Variants in PCDH19 observed in about 807,000 individuals in gnomAD.
PCDH19 encodes protocadherin 19, also known as protocadherin-19.
In PCDH19, 6 loss-of-function variants were observed where a neutral mutation model predicts 46.2. The observed-to-expected ratio is 0.13, with a 90% CI of 0.07 to 0.26. The LOEUF is 0.26. Ranked by LOEUF, PCDH19 falls within the 10% of genes least tolerant of loss-of-function variation. PCDH19 has a pLI of 1.00. For missense variants in PCDH19, 740 were observed against 972.3 expected (o/e 0.76, Z 3.18); for synonymous variants, 481 against 415.7 (o/e 1.16, Z -1.91).
chrX:100,340,188 A>G lies in PCDH19; in HGVS notation c.2848+1715T>C, dbSNP rs189387134. Among the ~76,000 whole-genome samples, 39 of 112,038 alleles carry G rather than the reference A, an allele frequency of 3.5e-4. No homozygotes were observed. In the East Asian group the frequency reaches 9.5e-3, roughly 27 times the overall value. On this transcript the variant is annotated intron_variant, in intron 5 of 5. Coordinates refer to ENST00000373034, the MANE Select transcript of PCDH19 (RefSeq NM_001184880.2). ...ATACTCGTCTTATTATCCAATCTAC[A>G]CAGTACACATATATAGATATATACA...
intron 3 of PCDH19, among the ~76,000 whole-genome samples, chrX:100,398,619 A>T (rs1928090007): frequency 8.9e-6 from 1 of 112,193 alleles, no homozygotes; most frequent in Non-Finnish European, 1.9e-5. Context: ...TAGCTCCCCA[A>T]CTAGACTGTG....
chrX:100,361,684 C>T (rs922292069), intron 3 of PCDH19, among the ~76,000 whole-genome samples: 1 of 111,732 alleles, frequency 8.9e-6, no homozygotes, highest in Non-Finnish European at 1.9e-5. Flanking sequence ...ACCCTGTTAA[C>T]GGCATTACAG....
chrX:100,350,552 C>T, intron 4 of PCDH19, 94 bp downstream of exon 4: 1 of 605,745 alleles, frequency 1.7e-6, no homozygotes. Context: ...TTTTAAAATC[C>T]CCCAAAAAAA....
chrX:100,350,780 G>A, intron 3 of PCDH19, 76 bp from the exon 4 acceptor site: 3 of 671,691 alleles, frequency 4.5e-6, no homozygotes, highest in Admixed American at 2.5e-5. Flanking sequence ...TACTTAGAAG[G>A]AATTTTTCTT....
In PCDH19 at chrX:100,374,805, G is replaced by A. The variant is rs932797635; in HGVS notation, c.2617-24101C>T. Reference sequence around the variant, plus strand: ...ATACAAAAAAATAGCCGGGCATGGTGGTGGGCGCCTGTAGTCCCAGCTACC... The same window carrying A: ...ATACAAAAAAATAGCCGGGCATGGTAGTGGGCGCCTGTAGTCCCAGCTACC... On this transcript the variant is annotated intron_variant, in intron 3 of 5. Transcript: ENST00000373034. 2.7e-5 allele frequency among the ~76,000 whole-genome samples: 3 copies of A among 111,115 alleles called. No homozygotes were observed. The East Asian group carries it at 8.5e-4, about 32-fold the overall frequency.
At chrX:100,339,765 T>A (rs1162071828) in intron 5 of PCDH19, among the ~76,000 whole-genome samples, 1 of 111,689 alleles carries the variant, frequency 9.0e-6, no homozygotes, top group Non-Finnish European at 1.9e-5. Context: ...CTTTAGGCAA[T>A]CACACAAGTT....
Position 100,342,014 on chromosome X carries a change from C to T in PCDH19, c.2737G>A (p.Asp913Asn). The change falls in exon 5 of 6, where the codon GAC becomes AAC. Residue 913 changes from aspartate to asparagine, a missense_variant. Asp to Asn is a conservative substitution (Grantham distance 23, BLOSUM62 1). Transcript: ENST00000373034. ...ACATCATGCTCACTGTCAGTTTGGT[C>T]ACTCTCCTCATGTCCACTATCCTTC... ...SLKDSGHEES[D>N]QTDSEHDVQR... is the part of the protein sequence containing the mutation. The T allele has an allele frequency of 8.3e-7, 1 of 1,209,341 alleles. No homozygotes were observed. Among genetic ancestry groups the T allele is most frequent in the South Asian group, 1.8e-5 (1 of 56,936 alleles).
chrX:100,334,825 T>A (rs932573630), intron 5 of PCDH19, among the ~76,000 whole-genome samples: 2 of 91,027 alleles, frequency 2.2e-5, no homozygotes, highest in Admixed American at 1.4e-4. Flanking sequence ...CATATAGATA[T>A]ACACATATAT....
At position 100,296,483 on chromosome X, in the gene PCDH19, C is replaced by G. The variant is rs774791898; in HGVS notation, c.3241G>C (p.Val1081Leu). The G allele has an allele frequency of 2.5e-6, 3 of 1,211,280 alleles. No homozygotes were observed. The Admixed American group carries it at 6.5e-5, about 26-fold the overall frequency. The change falls in exon 6 of 6, where the codon GTG (valine) becomes CTG (leucine). Residue 1081 changes from valine to leucine, a missense_variant. Val to Leu is a conservative substitution (Grantham distance 32). Around this residue, in one of 5 missense-constraint regions of PCDH19, gnomAD observed 416 missense variants for 476.8 expected, o/e 0.87. Transcript: ENST00000373034. ...GGAGCCAGGGCAATGGTGTAAGACA[C>G]GGAAGGCTTGGTGGGCAGAGAGCTC... is the stretch of plus-strand genomic sequence containing the variant. The part of the protein sequence containing the change: ...LKSSLPTKPS[V>L]SYTIALAPPA...
intron 5 of PCDH19, among the ~76,000 whole-genome samples, chrX:100,336,067 C>T (rs753717909): frequency 3.6e-5 from 4 of 112,133 alleles, no homozygotes; most frequent in East Asian, 2.8e-4. Flanking sequence ...GCTTTGTTCA[C>T]GTAAAGATAA....
intron 5 of PCDH19, among the ~76,000 whole-genome samples, chrX:100,315,333 A>G (rs1471844860): frequency 8.9e-6 from 1 of 112,419 alleles, no homozygotes; most frequent in Non-Finnish European, 1.9e-5. Flanking sequence ...CGAGTCTTAC[A>G]TGTCTCTCAA....
intron 3 of PCDH19, among the ~76,000 whole-genome samples, chrX:100,363,203 C>G (rs1002084508): frequency 2.7e-5 from 3 of 109,411 alleles, no homozygotes; most frequent in African/African-American, 1.0e-4. Context: ...ACGCGGGAGG[C>G]TGAGGCAGGA....
chrX:100,360,173 T>A (rs1926841667), intron 3 of PCDH19, among the ~76,000 whole-genome samples: 1 of 111,890 alleles, frequency 8.9e-6, no homozygotes, highest in African/African-American at 3.2e-5. Flanking sequence ...CCAATCCCAT[T>A]ATTTATATTA....
rs1278353781 is a variant in PCDH19, at chrX:100,407,351, T to C, written c.1247A>G (p.His416Arg). The change falls in exon 1 of 6, where the codon CAC (histidine) becomes CGC (arginine). Residue 416 changes from histidine to arginine, a missense_variant. Coordinates refer to ENST00000373034, the MANE Select transcript of PCDH19 (RefSeq NM_001184880.2). ...CTGAATTGTGAGGTTGTATTGGTCG[T>C]GCTGCTCGCGGTCCAGCCGTCCGTC... Reference protein sequence around the residue: ...LVDGRLDREQHDQYNLTIQAR... With the variant: ...LVDGRLDREQRDQYNLTIQAR... The C allele has an allele frequency of 8.2e-7, 1 of 1,212,336 alleles. No individual in the cohort carries two copies. The highest frequency in any genetic ancestry group is 3.0e-5 in the East Asian group (1 of 33,833).
chrX:100,327,327 A>C (rs1392083482), intron 5 of PCDH19, among the ~76,000 whole-genome samples: 1 of 112,596 alleles, frequency 8.9e-6, no homozygotes, highest in Admixed American at 9.4e-5. Flanking sequence ...ATTCGAACAA[A>C]TAAGGTCAAT....
chrX:100,357,173 T>C (rs751111984), intron 3 of PCDH19, among the ~76,000 whole-genome samples: 23 of 111,769 alleles, frequency 2.1e-4, no homozygotes, highest in African/African-American at 6.2e-4. Flanking sequence ...ATACACAGAC[T>C]GGCACCTATG....
chrX:100,361,928 A>G (rs781175717), intron 3 of PCDH19, among the ~76,000 whole-genome samples: 1 of 111,702 alleles, frequency 9.0e-6, no homozygotes, highest in Non-Finnish European at 1.9e-5. Flanking sequence ...AGTGAACACA[A>G]CCAGAGCAAT....
Position 100,410,053 on chromosome X carries a change from A to T in PCDH19, c.-1456T>A. 3.4e-6 allele frequency: 1 copy of T among 296,008 alleles called. No homozygotes were observed. The highest frequency in any genetic ancestry group is 5.9e-6 in the Non-Finnish European group (1 of 169,985). The allele number at this position is 296,008 out of a possible 1,213,427, so 24.4% of individuals were successfully genotyped here. The stretch of plus-strand genomic sequence containing the variant: ...CAGGAGGCAATGGGTTTGGGGTAGG[A>T]GGTTTAGGATTTCGGATGAAATCGC... On this transcript the variant is annotated 5_prime_UTR_variant, in exon 1 of 6. Coordinates refer to ENST00000373034, the MANE Select transcript of PCDH19 (RefSeq NM_001184880.2).
intron 4 of PCDH19, among the ~76,000 whole-genome samples, chrX:100,346,685 C>A (rs1170771888): frequency 8.9e-6 from 1 of 112,367 alleles, no homozygotes; most frequent in Non-Finnish European, 1.9e-5. Flanking sequence ...GCTGGAAAAA[C>A]CCCAGGACAA....
Sources: gnomAD v4.1 joint callset for allele counts (sites outside exome capture counted in the v4.1 genomes callset) on GRCh38, gnomAD v4.1.1 for gene constraint, gnomAD v4.1.1 regional missense constraint, MANE v1.5 for transcripts, NCBI Gene and HGNC (gene_info 2026-07-23, HGNC 2026-07-21) for gene names.